The following SPOPL variants were observed in gnomAD, a reference collection of about 807,000 sequenced individuals.
SPOPL encodes speckle-type POZ protein-like.
Under a neutral mutation model 53.8 loss-of-function variants are expected in SPOPL, and 23 were observed. The ratio of observed to expected loss-of-function variants is 0.43; its 90% confidence interval spans 0.31 to 0.61. SPOPL has a LOEUF of 0.61. Ranked by LOEUF, SPOPL falls within the 20% of genes least tolerant of loss-of-function variation. The probability of loss-of-function intolerance (pLI) is 0.12; values close to 1 mark genes in which losing one functional copy is unlikely to be tolerated. For synonymous variants in SPOPL, 164 were observed against 149.7 expected (o/e 1.10, Z -0.70); for missense variants, 442 against 466.9 (o/e 0.95, Z 0.49).
intron 1 of SPOPL, among the ~76,000 whole-genome samples, chr2:138,543,159 G>A (rs1685112647): frequency 6.6e-6 from 1 of 152,128 alleles, no homozygotes; most frequent in Non-Finnish European, 1.5e-5. Flanking sequence ...CTCTCTGGCT[G>A]CCTTAACATT....
chr2:138,515,573 G>A (rs1169691645), intron 1 of SPOPL, among the ~76,000 whole-genome samples: 1 of 152,052 alleles, frequency 6.6e-6, no homozygotes, highest in African/African-American at 2.4e-5. Flanking sequence ...TTGTCATTTT[G>A]TAGTGAAAAT....
intron 1 of SPOPL, among the ~76,000 whole-genome samples, chr2:138,513,227 GGACAACA>G (rs1684365481): frequency 2.0e-5 from 3 of 152,216 alleles, no homozygotes. Context: ...AGACTAGCCT[GGACAACA>G]TAGCAAGACA....
At chr2:138,517,156 G>A (rs1372596714) in intron 1 of SPOPL, among the ~76,000 whole-genome samples, 3 of 152,092 alleles carry the variant, frequency 2.0e-5, no homozygotes, top group Admixed American at 2.0e-4. Context: ...GGCATAATAC[G>A]GGAAATAAAT....
At chr2:138,545,719 G>A (rs185252439) in intron 1 of SPOPL, among the ~76,000 whole-genome samples, 3 of 152,168 alleles carry the variant, frequency 2.0e-5, no homozygotes, top group East Asian at 3.9e-4. Flanking sequence ...GATTACAGGC[G>A]TGAGCCACCG....
chr2:138,515,807 C>T (rs1684425102), intron 1 of SPOPL, among the ~76,000 whole-genome samples: 1 of 152,142 alleles, frequency 6.6e-6, no homozygotes, highest in Admixed American at 6.5e-5. Flanking sequence ...ATTTTATATG[C>T]CTAACTTTTT....
At chr2:138,544,787 C>T (rs1203464218) in intron 1 of SPOPL, among the ~76,000 whole-genome samples, 1 of 152,228 alleles carries the variant, frequency 6.6e-6, no homozygotes, top group Non-Finnish European at 1.5e-5. Context: ...CCCAGTACCT[C>T]AGTTGGAAAT....
intron 1 of SPOPL, among the ~76,000 whole-genome samples, chr2:138,538,064 C>T (rs1684975969): frequency 6.6e-6 from 1 of 152,108 alleles, no homozygotes; most frequent in Non-Finnish European, 1.5e-5. Context: ...CATTCAACTG[C>T]AATCAGAGAG....
At chr2:138,541,861 C>T (rs1685079740) in intron 1 of SPOPL, among the ~76,000 whole-genome samples, 2 of 152,068 alleles carry the variant, frequency 1.3e-5, no homozygotes, top group African/African-American at 2.4e-5. Context: ...CCTGCTTTCT[C>T]TTGTGGGCAT....
At chr2:138,529,545 C>T (rs927614070) in intron 1 of SPOPL, among the ~76,000 whole-genome samples, 75 of 148,866 alleles carry the variant, frequency 5.0e-4, no homozygotes, top group Non-Finnish European at 8.9e-4. Context: ...TTTGCGTGCG[C>T]GCGCGCTTCT....
At chr2:138,567,875 T>A (rs1336223496) in intron 10 of SPOPL, among the ~76,000 whole-genome samples, 1 of 152,134 alleles carries the variant, frequency 6.6e-6, no homozygotes, top group Non-Finnish European at 1.5e-5. Context: ...GTAACTAGAT[T>A]TGTTGCTTAA....
chr2:138,560,849 AATG>A lies in SPOPL; in HGVS notation c.764_766del (p.Met255del). On this transcript the variant is annotated inframe_deletion, in exon 8 of 11. Transcript: ENST00000280098. ...ATTTAGACCCTGAAGTTTTTAAAGA[AATG>A]ATGAGATTCATTTACACAGGGAGAG... 6.2e-7 allele frequency: 1 copy of A among 1,610,086 alleles called. No individual in the cohort carries two copies. The highest frequency in any genetic ancestry group is 8.5e-7 in the Non-Finnish European group (1 of 1,178,998).
In SPOPL at chr2:138,571,363, T is replaced by C. The variant is rs1685777102; in HGVS notation, c.*2283T>C. 1 of 152,552 alleles carries C rather than the reference T, an allele frequency of 6.6e-6. No homozygotes were observed. Among genetic ancestry groups the C allele is most frequent in the African/African-American group, 2.4e-5 (1 of 41,424 alleles). The allele number at this position is 152,552 out of a possible 1,614,324, so 9.4% of individuals were successfully genotyped here. On this transcript the variant is annotated 3_prime_UTR_variant, in exon 11 of 11. Transcript: ENST00000280098. ...GCTTCTTCTTACTTACTCGAGAGTT[T>C]ATTGCAAATCTTAAGGATTTTATTA... is the stretch of plus-strand genomic sequence containing the variant.
Position 138,571,275 on chromosome 2 carries a change from C to T in SPOPL, c.*2195C>T, listed in dbSNP as rs979246772. ...ACCGGCACATTGTGATTTAATTCACCGCTTGAATCTATATTTCTAACCACA... is the reference window on the plus strand; with the variant it reads ...ACCGGCACATTGTGATTTAATTCACTGCTTGAATCTATATTTCTAACCACA... On this transcript the variant is annotated 3_prime_UTR_variant, in exon 11 of 11. Coordinates refer to ENST00000280098, the MANE Select transcript of SPOPL (RefSeq NM_001001664.3). The T allele has an allele frequency of 6.6e-6, 1 of 152,386 alleles. No individual in the cohort carries two copies. Among genetic ancestry groups the T allele is most frequent in the African/African-American group, 2.4e-5 (1 of 41,382 alleles). The allele number at this position is 152,386 out of a possible 1,614,324, so 9.4% of individuals were successfully genotyped here.
intron 1 of SPOPL, among the ~76,000 whole-genome samples, chr2:138,540,176 G>A (rs187904797): frequency 1.1e-3 from 174 of 152,334 alleles, no homozygotes; most frequent in African/African-American, 4.0e-3. Context: ...AAGTCAGGTA[G>A]AGTGATGCCT....
rs1685822757 is a variant in SPOPL at position 138,573,183 on chromosome 2, G to A, written c.*4103G>A. The A allele has an allele frequency of 6.6e-6, 1 of 151,862 alleles. No homozygotes were observed. The allele number at this position is 151,862 out of a possible 1,614,324, so 9.4% of individuals were successfully genotyped here. ...TATCTTGTTGCTGAAAATATTTTTT[G>A]CATTTCAACACATTGAGTTAAAATA... On this transcript the variant is annotated 3_prime_UTR_variant, in exon 11 of 11. Transcript: ENST00000280098.
rs1170500975 is a variant in SPOPL, at chr2:138,570,816, T to C, written c.*1736T>C. 1 of 152,158 alleles carries C rather than the reference T, an allele frequency of 6.6e-6. No homozygotes were observed. The highest frequency in any genetic ancestry group is 1.5e-5 in the Non-Finnish European group (1 of 68,020). The allele number at this position is 152,158 out of a possible 1,614,324, so 9.4% of individuals were successfully genotyped here. A position where few individuals can be genotyped will look rare whatever the true frequency, so the allele number is the denominator to read the frequency against. On this transcript the variant is annotated 3_prime_UTR_variant, in exon 11 of 11. Transcript: ENST00000280098. ...ATGTCCAGATTCATTTGGATTCATA[T>C]TTACATTGAAAAAACTCAACTAAGC...
At chr2:138,523,410 A>T (rs1234692683) in intron 1 of SPOPL, among the ~76,000 whole-genome samples, 1 of 152,072 alleles carries the variant, frequency 6.6e-6, no homozygotes, top group Non-Finnish European at 1.5e-5. Context: ...ACAGAGCCAA[A>T]CCATATCATT....
At chr2:138,560,450 GT>G (rs75280337) in intron 7 of SPOPL, among the ~76,000 whole-genome samples, 10,925 of 143,450 alleles carry the variant, frequency 0.076, 819 homozygotes, top group East Asian at 0.35. Context: ...TTGTTTACTT[GT>G]TTTTTTTTTT....
chr2:138,539,865 G>C (rs563177008), intron 1 of SPOPL, among the ~76,000 whole-genome samples: 1 of 152,146 alleles, frequency 6.6e-6, no homozygotes, highest in South Asian at 2.1e-4. Context: ...TTTTCTTCTA[G>C]GGTTTTTATG....
Sources: gnomAD v4.1 joint callset for allele counts (sites outside exome capture counted in the v4.1 genomes callset) on GRCh38, gnomAD v4.1.1 for gene constraint, MANE v1.5 for transcripts, NCBI Gene and HGNC (gene_info 2026-07-23, HGNC 2026-07-21) for gene names.